MGMT: variants seen among roughly 807,000 people sequenced by gnomAD.
MGMT encodes methylated-DNA--protein-cysteine methyltransferase.
Under a neutral mutation model 15.9 loss-of-function variants are expected in MGMT, and 14 were observed. The observed-to-expected ratio is 0.88, with a 90% CI of 0.58 to 1.37. The LOEUF (loss-of-function observed/expected upper bound fraction) is 1.37, where lower values mean the gene tolerates loss of function less well. MGMT is among the 40% of genes most tolerant of loss of function. The pLI, the probability that MGMT is intolerant of heterozygous loss-of-function variation, is 0.00. For missense variants in MGMT, 282 were observed against 268.1 expected, an observed-to-expected ratio of 1.05 and a Z score of -0.36; for synonymous variants, 130 against 118.2, an observed-to-expected ratio of 1.10 and a Z score of -0.65.
chr10:129,757,512 A>C (rs556880309), intron 3 of MGMT, among the ~76,000 whole-genome samples: 79 of 152,338 alleles, frequency 5.2e-4, no homozygotes, highest in Non-Finnish European at 9.0e-4. Flanking sequence ...CGAGGAAGGC[A>C]GGAAATTGGC....
intron 2 of MGMT, among the ~76,000 whole-genome samples, chr10:129,547,919 C>A (rs1383838412): frequency 6.6e-6 from 1 of 152,228 alleles, no homozygotes; most frequent in Non-Finnish European, 1.5e-5. Context: ...AATACTTGTT[C>A]TTGTTCCCAA....
intron 1 of MGMT, among the ~76,000 whole-genome samples, chr10:129,503,106 GA>G (rs1177592095): frequency 2.7e-5 from 3 of 112,994 alleles, no homozygotes. Context: ...ACACTGCTTG[GA>G]TTTTTTTTTT....
chr10:129,562,290 C>T (rs1323217196), intron 2 of MGMT, among the ~76,000 whole-genome samples: 1 of 152,178 alleles, frequency 6.6e-6, no homozygotes, highest in Non-Finnish European at 1.5e-5. Context: ...TTTGGGACGC[C>T]ATTCGAACCT....
chr10:129,744,940 G>T (rs903635210), intron 3 of MGMT, among the ~76,000 whole-genome samples: 2 of 152,152 alleles, frequency 1.3e-5, no homozygotes, highest in Non-Finnish European at 2.9e-5. Flanking sequence ...CCCAGTAGGC[G>T]CTTACTGTAT....
At chr10:129,739,483 G>A in intron 3 of MGMT, among the ~76,000 whole-genome samples, 1 of 152,138 alleles carries the variant, frequency 6.6e-6, no homozygotes, top group East Asian at 1.9e-4. Flanking sequence ...TGTGCAGCAG[G>A]AGGTGCACGT....
chr10:129,739,791 C>T (rs984217756), intron 3 of MGMT, among the ~76,000 whole-genome samples: 6 of 152,064 alleles, frequency 3.9e-5, no homozygotes, highest in Non-Finnish European at 5.9e-5. Context: ...TTTTTTTTAA[C>T]TCCTCAGCTA....
At chr10:129,582,499 C>T (rs567807987) in intron 2 of MGMT, among the ~76,000 whole-genome samples, 10 of 152,196 alleles carry the variant, frequency 6.6e-5, no homozygotes, top group Middle Eastern at 3.4e-3. Flanking sequence ...TTTTGTTCTC[C>T]GTACAACGTC....
At chr10:129,626,352 A>G (rs1847149102) in intron 2 of MGMT, among the ~76,000 whole-genome samples, 1 of 152,200 alleles carries the variant, frequency 6.6e-6, no homozygotes, top group East Asian at 1.9e-4. Context: ...AAGCACTGGC[A>G]GAACACCACC....
intron 3 of MGMT, among the ~76,000 whole-genome samples, chr10:129,715,827 T>G (rs993002301): frequency 1.3e-5 from 2 of 152,248 alleles, no homozygotes; most frequent in Non-Finnish European, 2.9e-5. Flanking sequence ...GTAAATGCTT[T>G]CACACATACG....
intron 2 of MGMT, among the ~76,000 whole-genome samples, chr10:129,608,206 C>T (rs1329780135): frequency 6.6e-6 from 1 of 152,164 alleles, no homozygotes; most frequent in East Asian, 1.9e-4. Flanking sequence ...ATAATTCGTT[C>T]TCAGATGTTA....
chr10:129,546,477 C>T (rs769364974), intron 2 of MGMT, among the ~76,000 whole-genome samples: 16 of 152,102 alleles, frequency 1.1e-4, no homozygotes, highest in Admixed American at 2.0e-4. Context: ...GGGCATCTGA[C>T]GGGGTGGTGC....
At chr10:129,663,290 C>T (rs113538600) in intron 2 of MGMT, among the ~76,000 whole-genome samples, 15 of 151,976 alleles carry the variant, frequency 9.9e-5, no homozygotes, top group African/African-American at 1.9e-4. Flanking sequence ...TATAAACCAA[C>T]GTAATAGAAT....
intron 1 of MGMT, among the ~76,000 whole-genome samples, chr10:129,474,922 C>T (rs1198582138): frequency 2.6e-5 from 4 of 151,962 alleles, no homozygotes; most frequent in South Asian, 2.1e-4. Flanking sequence ...GGTAGGGAGA[C>T]GTGCTTGTCA....
At chr10:129,631,653 T>C (rs1354053451) in intron 2 of MGMT, among the ~76,000 whole-genome samples, 1 of 151,948 alleles carries the variant, frequency 6.6e-6, no homozygotes, top group Non-Finnish European at 1.5e-5. Flanking sequence ...CAAAACCCCG[T>C]CTCCACCAAA....
chr10:129,540,606 A>G (rs927467646), intron 2 of MGMT, among the ~76,000 whole-genome samples: 1 of 152,226 alleles, frequency 6.6e-6, no homozygotes, highest in African/African-American at 2.4e-5. Flanking sequence ...TAAATTTGGT[A>G]GAATAAATTT....
At chr10:129,475,393 A>G (rs1194320333) in intron 1 of MGMT, among the ~76,000 whole-genome samples, 2 of 152,162 alleles carry the variant, frequency 1.3e-5, no homozygotes, top group African/African-American at 2.4e-5. Flanking sequence ...AGCACAGTGC[A>G]TGAGAGGCGT....
intron 2 of MGMT, among the ~76,000 whole-genome samples, chr10:129,547,145 T>C (rs1846106141): frequency 6.6e-6 from 1 of 152,234 alleles, no homozygotes; most frequent in African/African-American, 2.4e-5. Context: ...GCTCTCTAAA[T>C]AGAACTGAAA....
intron 3 of MGMT, among the ~76,000 whole-genome samples, chr10:129,718,086 G>A (rs1037544618): frequency 3.3e-5 from 5 of 152,174 alleles, no homozygotes; most frequent in Middle Eastern, 3.2e-3. Context: ...CGACCCCAAC[G>A]TGGGGACACT....
chr10:129,650,364 C>T (rs1375339990), intron 2 of MGMT, among the ~76,000 whole-genome samples: 9 of 152,160 alleles, frequency 5.9e-5, no homozygotes, highest in South Asian at 2.1e-4. Context: ...AGCTAGAGGA[C>T]GCGAGCACAT....
Sources: gnomAD v4.1 joint callset for allele counts (sites outside exome capture counted in the v4.1 genomes callset) on GRCh38, gnomAD v4.1.1 for gene constraint, MANE v1.5 for transcripts, NCBI Gene and HGNC (gene_info 2026-07-23, HGNC 2026-07-21) for gene names.